The following TMEM222 variants were observed in gnomAD, a reference collection of about 807,000 sequenced individuals.
TMEM222 encodes the protein transmembrane protein 222, also known as chromosome 1 open reading frame 160.
In TMEM222, 18 loss-of-function variants were observed where a neutral mutation model predicts 25.1. The ratio of observed to expected loss-of-function variants is 0.72; its 90% CI spans 0.50 to 1.06. TMEM222 has a LOEUF of 1.06. Among genes scored for constraint, TMEM222 ranks in the 50% least tolerant of loss-of-function variants. The pLI, the probability that TMEM222 is intolerant of heterozygous loss-of-function variation, is 0.00. For missense variants in TMEM222, 296 were observed against 293.7 expected, an observed-to-expected ratio of 1.01 and a Z score of -0.06; for synonymous variants, 131 against 117.9, an observed-to-expected ratio of 1.11 and a Z score of -0.72.
intron 2 of TMEM222, chr1:27,331,231 G>A: frequency 2.1e-6 from 2 of 971,206 alleles, no homozygotes; most frequent in Non-Finnish European, 2.5e-6. Context: ...TGAAGCAGCT[G>A]TGTTCTCAGG....
At position 27,335,554 on chromosome 1, in the gene TMEM222, A is replaced by C; in HGVS notation, c.*88A>C. The C allele has an allele frequency of 7.4e-7, 1 of 1,357,376 alleles. No individual in the cohort carries two copies. Among genetic ancestry groups the C allele is most frequent in the Non-Finnish European group, 1.0e-6 (1 of 960,842 alleles). 84.1% of individuals were successfully genotyped at this position (1,357,376 alleles called of 1,614,324 possible). A position where few individuals can be genotyped will look rare whatever the true frequency, so the allele number is the denominator to read the frequency against. On this transcript the variant is annotated 3_prime_UTR_variant, in exon 6 of 6. Coordinates refer to ENST00000374076, the MANE Select transcript of TMEM222 (RefSeq NM_032125.3). ...TCCAGATTTTTTTCTCCTCACCCCA[A>C]AAGGCAGGGTTGGGCCTGCTGTTGT...
At chr1:27,325,109 G>T (rs1001397809) in intron 1 of TMEM222, 5 of 322,932 alleles carry the variant, frequency 1.5e-5, no homozygotes, top group Non-Finnish European at 3.0e-5. Context: ...TAGATGTGGC[G>T]CAAGTAACTG....
rs372522167 is a variant in TMEM222, at chr1:27,335,367, T to G, written c.540-12T>G. On this transcript the variant is annotated splice_polypyrimidine_tract_variant and intron_variant, in intron 5 of 5. Transcript: ENST00000374076. ...CCCTGCCCACCTATGCTCGCTCCTT[T>G]CTCTCTGTCAGCGTTGGGGCCTTCG... is the stretch of plus-strand genomic sequence containing the variant. 2.5e-6 allele frequency: 4 copies of G among 1,613,796 alleles called. No homozygotes were observed. In the African/African-American group the frequency reaches 4.0e-5, roughly 16 times the overall value.
At chr1:27,327,250 A>G (rs916620950) in intron 1 of TMEM222, among the ~76,000 whole-genome samples, 6 of 152,298 alleles carry the variant, frequency 3.9e-5, no homozygotes, top group South Asian at 4.2e-4. Context: ...AATCCTCACA[A>G]TAGCTCCTCA....
At chr1:27,322,684 C>T (rs1164147579) in intron 1 of TMEM222, among the ~76,000 whole-genome samples, 1 of 152,144 alleles carries the variant, frequency 6.6e-6, no homozygotes, top group African/African-American at 2.4e-5. Context: ...GAGGGAGCCC[C>T]TTATCGGATC....
intron 3 of TMEM222, chr1:27,333,004 C>T (rs541957126): frequency 5.9e-5 from 18 of 303,054 alleles, no homozygotes; most frequent in East Asian, 4.8e-4. Flanking sequence ...TGAGACCCAC[C>T]GGGCACTCTG....
At chr1:27,333,896 G>T (rs2014539857) in intron 3 of TMEM222, 62 bp from the exon 4 acceptor site, 3 of 1,479,406 alleles carry the variant, frequency 2.0e-6, no homozygotes, top group South Asian at 1.2e-5. Context: ...CTCAGAGGAC[G>T]TGCGTAGAGC....
rs998031948 is a variant in TMEM222, at chr1:27,335,586, G to C, written c.*120G>C. ...GGGTTGGGCCTGCTGTTGTGGACCG[G>C]GGGTCGGGGCTGGCAGGATGGAAGG... On this transcript the variant is annotated 3_prime_UTR_variant, in exon 6 of 6. Coordinates refer to ENST00000374076, the MANE Select transcript of TMEM222 (RefSeq NM_032125.3). The C allele has an allele frequency of 6.6e-5, 64 of 971,424 alleles. No homozygotes were observed. Among genetic ancestry groups the C allele is most frequent in the Non-Finnish European group, 8.6e-5 (55 of 637,980 alleles). The allele number at this position is 971,424 out of a possible 1,614,324, so 60.2% of individuals were successfully genotyped here. A position where few individuals can be genotyped will look rare whatever the true frequency, so the allele number is the denominator to read the frequency against.
chr1:27,326,328 T>G (rs1225828131), intron 1 of TMEM222, among the ~76,000 whole-genome samples: 1 of 152,238 alleles, frequency 6.6e-6, no homozygotes, highest in East Asian at 1.9e-4. Flanking sequence ...GGCTGTGACT[T>G]GCTTTGAGTT....
At chr1:27,332,761 T>C in intron 3 of TMEM222, 1 of 536,602 alleles carries the variant, frequency 1.9e-6, no homozygotes, top group Non-Finnish European at 3.4e-6. Context: ...GGAGCAGGGC[T>C]TCCTGCTGCC....
At chr1:27,334,532 G>T in intron 5 of TMEM222, 1 of 1,408,206 alleles carries the variant, frequency 7.1e-7, no homozygotes, top group Non-Finnish European at 9.4e-7. Flanking sequence ...ATGGGCAACT[G>T]CCTTGGTCTC....
At chr1:27,324,264 C>T (rs925593153) in intron 1 of TMEM222, among the ~76,000 whole-genome samples, 1 of 152,120 alleles carries the variant, frequency 6.6e-6, no homozygotes, top group East Asian at 1.9e-4. Flanking sequence ...GTGGAGGTTG[C>T]GGTGAGCCAA....
chr1:27,332,241 A>G, intron 3 of TMEM222, 140 bp downstream of exon 3: 1 of 988,988 alleles, frequency 1.0e-6, no homozygotes, highest in Non-Finnish European at 1.6e-6. Flanking sequence ...GCCAGGGTCC[A>G]CCAGAGCATG....
intron 1 of TMEM222, chr1:27,325,601 C>T: frequency 1.0e-6 from 1 of 959,720 alleles, no homozygotes; most frequent in Non-Finnish European, 1.7e-6. Flanking sequence ...GCATCACCGA[C>T]AGGATGCAGA....
intron 5 of TMEM222, chr1:27,334,546 T>C (rs12565684): frequency 0.39 from 562,864 of 1,435,300 alleles, 114,737 homozygotes; most frequent in Non-Finnish European, 0.42. Context: ...TGGTCTCTCT[T>C]AGCCACAGCT....
Position 27,322,220 on chromosome 1 carries a change from C to A in TMEM222, c.23C>A (p.Ser8Tyr). 6.9e-7 allele frequency: 1 copy of A among 1,442,590 alleles called. No individual in the cohort carries two copies. 89.4% of individuals were successfully genotyped at this position (1,442,590 alleles called of 1,614,324 possible). Residue 8 changes from serine (S) to tyrosine (Y), a missense_variant, in exon 1 of 6, where the codon TCT (serine) becomes TAT (tyrosine). Physicochemically the swap from Ser to Tyr is moderately radical, Grantham distance 144. Coordinates refer to ENST00000374076, the MANE Select transcript of TMEM222 (RefSeq NM_032125.3). MAEAEGS[S>Y]LLLLPPPPPP... Reference sequence around the variant, plus strand: ...CGCATGGCGGAAGCGGAAGGGAGTTCTCTGCTCTTGTTGCCGCCGCCGCCA... The same window carrying A: ...CGCATGGCGGAAGCGGAAGGGAGTTATCTGCTCTTGTTGCCGCCGCCGCCA...
Position 27,322,215 on chromosome 1 carries a change from G to A in TMEM222, c.18G>A (p.Gly6=). The change falls in exon 1 of 6, where the codon GGG becomes GGA. Residue 6 remains glycine (G), a synonymous_variant. Coordinates refer to ENST00000374076, the MANE Select transcript of TMEM222 (RefSeq NM_032125.3). ...CGCGCCGCATGGCGGAAGCGGAAGG[G>A]AGTTCTCTGCTCTTGTTGCCGCCGC... MAEAE[G]SSLLLLPPPP... 1.4e-6 allele frequency: 2 copies of A among 1,423,292 alleles called. No homozygotes were observed. The highest frequency in any genetic ancestry group is 1.5e-5 in the South Asian group (1 of 67,950). The allele number at this position is 1,423,292 out of a possible 1,614,324, so 88.2% of individuals were successfully genotyped here. A position where few individuals can be genotyped will look rare whatever the true frequency, so the allele number is the denominator to read the frequency against.
At chr1:27,330,833 G>C (rs765720312) in intron 2 of TMEM222, 29 bp downstream of exon 2, 42 of 1,611,970 alleles carry the variant, frequency 2.6e-5, no homozygotes, top group Non-Finnish European at 1.2e-5. Flanking sequence ...CACCCGGGGG[G>C]TTCCAAGGTT....
intron 2 of TMEM222, 29 bp from the exon 3 acceptor site, chr1:27,332,041 C>T (rs201967242): frequency 1.2e-6 from 2 of 1,614,146 alleles, no homozygotes; most frequent in Non-Finnish European, 1.7e-6. Context: ...GTAAGTTCCT[C>T]ACTGACCTCT....
Sources: allele counts gnomAD v4.1 joint callset (sites outside exome capture counted in the v4.1 genomes callset), GRCh38; gene constraint gnomAD v4.1.1; transcripts MANE v1.5; gene names NCBI Gene and HGNC (gene_info 2026-07-23, HGNC 2026-07-21).